Variants in SARM1 observed in about 807,000 individuals in gnomAD.
SARM1 encodes sterile alpha and TIR motif containing 1, also known as NAD(+) hydrolase SARM1.
Under a neutral mutation model 65.1 loss-of-function variants are expected in SARM1, and 60 were observed. The observed-to-expected ratio is 0.92, with a 90% CI of 0.75 to 1.14. SARM1 has a LOEUF of 1.14. Ranked by LOEUF, SARM1 falls within the 50% of genes most tolerant of loss-of-function variation. The pLI is 0.00. For missense variants in SARM1, 913 were observed against 1,015.7 expected (o/e 0.90, Z 1.37); for synonymous variants, 417 against 465.4 (o/e 0.90, Z 1.34).
chr17:28,385,199 G>A lies in SARM1; in HGVS notation c.1554G>A (p.Val518=). ...CGLDRSLLHR[V]SEQQLLEDCG... ...TGGACCGCTCCCTGCTGCACCGCGT[G>A]TCTGAGCAGCAGCTGCTGGAAGACT... Residue 518 remains valine (V), a synonymous_variant, in exon 5 of 9, where the codon GTG becomes GTA. Transcript: ENST00000585482. This position sits in a 1 kb window ranked among gnomAD's most constrained non-coding sequence, Gnocchi z 4.5. 6.2e-7 allele frequency: 1 copy of A among 1,606,448 alleles called. No homozygotes were observed. Among genetic ancestry groups the A allele is most frequent in the Non-Finnish European group, 8.5e-7 (1 of 1,178,042 alleles).
rs782706244 is a variant in SARM1, at chr17:28,384,475, G to C, written c.1208G>C (p.Arg403Pro). The change falls in exon 3 of 9, where the codon CGG (arginine) becomes CCG (proline). Residue 403 changes from arginine to proline, a missense_variant. Around this residue, in one of 3 missense-constraint regions of SARM1, gnomAD observed 862 missense variants for 952.1 expected, o/e 0.91. Coordinates refer to ENST00000585482, the MANE Select transcript of SARM1 (RefSeq NM_015077.4). The surrounding 1 kb of genome is among the most constrained non-coding windows in gnomAD (Gnocchi z 4.4). ...ALRLLGEEVP[R>P]PILPSVPSWK... The stretch of plus-strand genomic sequence containing the variant: ...CGCCTGCTGGGCGAGGAGGTGCCAC[G>C]GCCCATCCTGCCCTCCGTGCCCAGC... 7.4e-6 allele frequency: 12 copies of C among 1,613,572 alleles called. No individual in the cohort carries two copies. Among genetic ancestry groups the C allele is most frequent in the Non-Finnish European group, 9.3e-6 (11 of 1,179,736 alleles).
intron 1 of SARM1, among the ~76,000 whole-genome samples, chr17:28,377,297 AGG>A (rs2067997629): frequency 6.6e-6 from 1 of 152,016 alleles, no homozygotes; most frequent in Non-Finnish European, 1.5e-5. Context: ...CATTGGTAAA[AGG>A]AATAACTGGG....
In SARM1 at chr17:28,402,141, G is replaced by A; in HGVS notation, c.*5855G>A. On this transcript the variant is annotated 3_prime_UTR_variant, in exon 9 of 9. Transcript: ENST00000585482. ...ACTTACTTCTCCAGGGTGAGAGGGGGGAAGGCAAGCTGTTCCCCCAGCCAT... is the reference window on the plus strand; with the variant it reads ...ACTTACTTCTCCAGGGTGAGAGGGGAGAAGGCAAGCTGTTCCCCCAGCCAT... The A allele has an allele frequency of 9.5e-7, 1 of 1,052,138 alleles. No homozygotes were observed. Among genetic ancestry groups the A allele is most frequent in the Non-Finnish European group, 1.4e-6 (1 of 726,024 alleles). 65.2% of individuals were successfully genotyped at this position (1,052,138 alleles called of 1,614,324 possible). A position where few individuals can be genotyped will look rare whatever the true frequency, so the allele number is the denominator to read the frequency against.
Position 28,402,324 on chromosome 17 carries a change from G to A in SARM1, c.*6038G>A, listed in dbSNP as rs782615249. The A allele has an allele frequency of 2.5e-6, 4 of 1,612,454 alleles. No individual in the cohort carries two copies. The highest frequency in any genetic ancestry group is 3.4e-6 in the Non-Finnish European group (4 of 1,179,236). ...TGACAGGAAAAGCAACCCATATCCT[G>A]TGGAGAAACAAACACTCATCAGGAA... On this transcript the variant is annotated 3_prime_UTR_variant, in exon 9 of 9. Coordinates refer to ENST00000585482, the MANE Select transcript of SARM1 (RefSeq NM_015077.4).
At chr17:28,387,373 A>G (rs186640124) in intron 5 of SARM1, among the ~76,000 whole-genome samples, 1 of 152,044 alleles carries the variant, frequency 6.6e-6, no homozygotes, top group Non-Finnish European at 1.5e-5. Context: ...GCTAGATTAC[A>G]GACATGTGCC....
intron 7 of SARM1, among the ~76,000 whole-genome samples, chr17:28,392,494 G>A (rs1344211227): frequency 6.6e-6 from 1 of 152,142 alleles, no homozygotes. Flanking sequence ...TATAATTCTG[G>A]ATGAAACAAA....
chr17:28,385,136 C>T lies in SARM1; in HGVS notation c.1491C>T (p.Arg497=). The T allele has an allele frequency of 6.2e-7, 1 of 1,613,508 alleles. No homozygotes were observed. Among genetic ancestry groups the T allele is most frequent in the Non-Finnish European group, 8.5e-7 (1 of 1,179,856 alleles). ...ACTGGCTGGGCAGCCTGGACCCGCG[C>T]TTCCGCCAGTACACCTACGGCCTGG... ...LADWLGSLDP[R]FRQYTYGLVS... The change falls in exon 5 of 9, where the codon CGC becomes CGT. Residue 497 remains arginine, a synonymous_variant. Transcript: ENST00000585482. The surrounding 1 kb of genome is among the most constrained non-coding windows in gnomAD (Gnocchi z 4.5).
chr17:28,376,230 C>A (rs1555584570), intron 1 of SARM1, among the ~76,000 whole-genome samples: 1 of 151,982 alleles, frequency 6.6e-6, no homozygotes, highest in African/African-American at 2.4e-5. Flanking sequence ...CAAGTCCTTC[C>A]CTTCGCTGGG....
chr17:28,376,946 C>T (rs1415949495), intron 1 of SARM1, among the ~76,000 whole-genome samples: 3 of 151,880 alleles, frequency 2.0e-5, no homozygotes. Context: ...CCTGCTACCA[C>T]GCCCAGTTAG....
intron 1 of SARM1, among the ~76,000 whole-genome samples, chr17:28,377,949 C>T (rs2068002348): frequency 6.6e-6 from 1 of 152,202 alleles, no homozygotes; most frequent in South Asian, 2.1e-4. Context: ...CCTCCTGCCT[C>T]AGCCTCCCAA....
intron 1 of SARM1, among the ~76,000 whole-genome samples, chr17:28,377,856 C>G (rs1477007118): frequency 1.3e-5 from 2 of 152,208 alleles, no homozygotes; most frequent in Non-Finnish European, 2.9e-5. Context: ...CACCACTACA[C>G]CTGGCTAATT....
At chr17:28,373,978 G>A (rs2067972982) in intron 1 of SARM1, 1 of 152,188 alleles carries the variant, frequency 6.6e-6, no homozygotes, top group South Asian at 2.1e-4. Flanking sequence ...AAGAAAGGCA[G>A]GATCCCCGCC....
chr17:28,378,571 A>G (rs1555584846), intron 1 of SARM1, among the ~76,000 whole-genome samples: 1 of 152,142 alleles, frequency 6.6e-6, no homozygotes, highest in African/African-American at 2.4e-5. Context: ...GTCATATAGC[A>G]CATTCTATTT....
rs1247608930 is a variant in SARM1 at position 28,398,005 on chromosome 17, C to A, written c.*1719C>A. 2 of 152,478 alleles carry A rather than the reference C, an allele frequency of 1.3e-5. No homozygotes were observed. The highest frequency in any genetic ancestry group is 6.5e-5 in the Admixed American group (1 of 15,284). 9.4% of individuals were successfully genotyped at this position (152,478 alleles called of 1,614,324 possible). ...CAGAGTCTGTCTTGGCCAGTGCCAG[C>A]CTCGATGCTTTGGTTTTGACCCCAC... On this transcript the variant is annotated 3_prime_UTR_variant, in exon 9 of 9. Coordinates refer to ENST00000585482, the MANE Select transcript of SARM1 (RefSeq NM_015077.4).
chr17:28,402,210 C>T lies in SARM1; in HGVS notation c.*5924C>T. On this transcript the variant is annotated 3_prime_UTR_variant, in exon 9 of 9. Coordinates refer to ENST00000585482, the MANE Select transcript of SARM1 (RefSeq NM_015077.4). ...TTCGGGCAGCACTGGACATGAGGAA[C>T]CAGACACAGGTGGGTTCTGACACTC... 6.3e-7 allele frequency: 1 copy of T among 1,598,700 alleles called. No homozygotes were observed. Among genetic ancestry groups the T allele is most frequent in the Non-Finnish European group, 8.5e-7 (1 of 1,170,086 alleles).
chr17:28,376,909 C>T (rs1219370562), intron 1 of SARM1, among the ~76,000 whole-genome samples: 3 of 152,114 alleles, frequency 2.0e-5, no homozygotes, highest in Non-Finnish European at 4.4e-5. Flanking sequence ...CATGCCTCAG[C>T]CTCCCAAGTA....
chr17:28,380,518 A>G (rs557319386), intron 1 of SARM1, among the ~76,000 whole-genome samples: 3 of 152,290 alleles, frequency 2.0e-5, no homozygotes, highest in African/African-American at 7.2e-5. Flanking sequence ...GTCTTCCTCC[A>G]TCGCCCTGAG....
chr17:28,395,802 C>T, intron 7 of SARM1, 103 bp from the exon 8 acceptor site: 1 of 1,346,644 alleles, frequency 7.4e-7, no homozygotes, highest in Non-Finnish European at 1.0e-6. Context: ...GGTGTCCTGC[C>T]CTGGGCCCAG....
At chr17:28,383,018 G>T (rs1341566266) in intron 2 of SARM1, among the ~76,000 whole-genome samples, 2 of 152,188 alleles carry the variant, frequency 1.3e-5, no homozygotes, top group African/African-American at 2.4e-5. Context: ...TCATCTGGGG[G>T]TGCTCAAAGG....
Sources: gnomAD v4.1 joint callset for allele counts (sites outside exome capture counted in the v4.1 genomes callset) on GRCh38, gnomAD v4.1.1 for gene constraint, gnomAD v4.1.1 regional missense constraint, Gnocchi (gnomAD v3.1) non-coding constraint, MANE v1.5 for transcripts, NCBI Gene and HGNC (gene_info 2026-07-23, HGNC 2026-07-21) for gene names.